ABCG2: variants seen among roughly 807,000 people sequenced by gnomAD.
The protein encoded by ABCG2 is broad substrate specificity ATP-binding cassette transporter ABCG2.
ABCG2 carries 80 observed loss-of-function variants against 73.5 expected under a neutral mutation model. That is an observed-to-expected ratio of 1.09 (90% CI 0.91 to 1.31). The LOEUF (loss-of-function observed/expected upper bound fraction) is 1.31. Among genes scored for constraint, ABCG2 ranks in the 50% most tolerant of loss-of-function variants. The pLI is 0.00. For missense variants in ABCG2, 796 were observed against 786.2 expected, an observed-to-expected ratio of 1.01 and a Z score of -0.15; for synonymous variants, 269 against 282.4, an observed-to-expected ratio of 0.95 and a Z score of 0.48.
intron 1 of ABCG2, among the ~76,000 whole-genome samples, chr4:88,201,131 G>A (rs989701248): frequency 5.5e-5 from 7 of 126,318 alleles, no homozygotes; most frequent in African/African-American, 1.8e-4. Flanking sequence ...AAAATCAATA[G>A]AGAAAATTAA....
intron 2 of ABCG2, among the ~76,000 whole-genome samples, chr4:88,139,408 C>A (rs1266900927): frequency 6.6e-6 from 1 of 152,072 alleles, no homozygotes; most frequent in South Asian, 2.1e-4. Flanking sequence ...TACACACCAC[C>A]ACGCCCAGCT....
chr4:88,101,428 A>G, intron 10 of ABCG2, 109 bp from the exon 11 acceptor site: 1 of 949,024 alleles, frequency 1.1e-6, no homozygotes. Context: ...GTTAAGCAGG[A>G]AAAAAAGGGA....
At chr4:88,150,373 A>G (rs1435076013) in intron 1 of ABCG2, among the ~76,000 whole-genome samples, 7 of 152,172 alleles carry the variant, frequency 4.6e-5, no homozygotes, top group African/African-American at 1.4e-4. Context: ...GAGGAGCAGT[A>G]TATGTCCAAG....
intron 1 of ABCG2, among the ~76,000 whole-genome samples, chr4:88,177,095 G>A (rs966573486): frequency 1.3e-5 from 2 of 152,142 alleles, no homozygotes; most frequent in Non-Finnish European, 2.9e-5. Context: ...ATGAATGGCC[G>A]GGCGCAGTGG....
intron 2 of ABCG2, 32 bp from the exon 3 acceptor site, chr4:88,132,667 T>C: frequency 6.2e-7 from 1 of 1,611,036 alleles, no homozygotes; most frequent in Non-Finnish European, 8.5e-7. Flanking sequence ...GATTTACTAT[T>C]CCATTTTAAG....
upstream of ABCG2, chr4:88,158,714 C>T: frequency 2.2e-6 from 1 of 445,100 alleles, no homozygotes; most frequent in Non-Finnish European, 4.5e-6. Flanking sequence ...CAACCCCTTC[C>T]CCCAACCACA....
chr4:88,227,233 C>T (rs1207823188), intron 1 of ABCG2, among the ~76,000 whole-genome samples: 1 of 152,054 alleles, frequency 6.6e-6, no homozygotes, highest in Non-Finnish European at 1.5e-5. Flanking sequence ...CCTGTCTCTA[C>T]TAAAAATACA....
At chr4:88,136,348 G>T (rs1285971938) in intron 2 of ABCG2, among the ~76,000 whole-genome samples, 1 of 152,144 alleles carries the variant, frequency 6.6e-6, no homozygotes, top group Non-Finnish European at 1.5e-5. Flanking sequence ...TAAACACCTA[G>T]ATTTTGGTTT....
intron 5 of ABCG2, among the ~76,000 whole-genome samples, chr4:88,125,623 A>C (rs978946408): frequency 1.3e-5 from 2 of 149,888 alleles, no homozygotes; most frequent in African/African-American, 4.9e-5. Flanking sequence ...AAAAAAAAAA[A>C]AAAAAAAAAA....
chr4:88,163,794 C>A, upstream of ABCG2: 1 of 352,550 alleles, frequency 2.8e-6, no homozygotes, highest in South Asian at 2.5e-5. Flanking sequence ...ACAAAGCTGT[C>A]TGGGCCAAAG....
intron 1 of ABCG2, among the ~76,000 whole-genome samples, chr4:88,194,517 T>C (rs1284074798): frequency 2.7e-5 from 3 of 110,634 alleles, no homozygotes; most frequent in Non-Finnish European, 5.0e-5. Flanking sequence ...GCCACTGCAC[T>C]CCAGCCTGGG....
At chr4:88,201,882 A>G (rs1729176391) in intron 1 of ABCG2, 1 of 152,182 alleles carries the variant, frequency 6.6e-6, no homozygotes, top group African/African-American at 2.4e-5. Context: ...CTGCAAGTTC[A>G]TCAAGATCCA....
Position 88,099,517 on chromosome 4 carries a change from T to A in ABCG2, c.1368-69A>T, listed in dbSNP as rs1722250881. Reference sequence around the variant, plus strand: ...GAAGCCACAGGGCAGGCTAGACTTGTCTGTTACAGACCTCTGCTGACAGCA... The same window carrying A: ...GAAGCCACAGGGCAGGCTAGACTTGACTGTTACAGACCTCTGCTGACAGCA... On this transcript the variant is annotated intron_variant, in intron 11 of 15. Transcript: ENST00000237612. 3 of 1,479,646 alleles carry A rather than the reference T, an allele frequency of 2.0e-6. No individual in the cohort carries two copies. The Admixed American group carries it at 6.3e-5, about 31-fold the overall frequency. 91.7% of individuals were successfully genotyped at this position (1,479,646 alleles called of 1,614,324 possible).
intron 1 of ABCG2, among the ~76,000 whole-genome samples, chr4:88,206,983 C>T (rs555342180): frequency 5.3e-5 from 8 of 152,258 alleles, no homozygotes; most frequent in South Asian, 2.1e-4. Flanking sequence ...TCAGTAGAGA[C>T]GGGGTTTCAC....
chr4:88,104,663 G>GA (rs146880547), intron 10 of ABCG2, among the ~76,000 whole-genome samples: 105,353 of 144,886 alleles, frequency 0.73, 43,630 homozygotes, highest in Non-Finnish European at 0.93. Flanking sequence ...GAGCTTTGGG[G>GA]GAAAAAAAAA....
chr4:88,097,653 C>A (rs977639838), intron 12 of ABCG2, 46 bp from the exon 13 acceptor site: 2 of 1,594,034 alleles, frequency 1.3e-6, no homozygotes, highest in Admixed American at 3.5e-5. Context: ...GCCTAGGTCA[C>A]CGTATGTTTG....
intron 1 of ABCG2, among the ~76,000 whole-genome samples, chr4:88,174,903 G>A (rs1727895078): frequency 6.6e-6 from 1 of 152,112 alleles, no homozygotes; most frequent in South Asian, 2.1e-4. Context: ...GTTAATTTTT[G>A]TATAAGGTGT....
intron 5 of ABCG2, among the ~76,000 whole-genome samples, chr4:88,125,989 T>C (rs1724382012): frequency 6.6e-6 from 1 of 152,102 alleles, no homozygotes; most frequent in African/African-American, 2.4e-5. Context: ...AATCAACGAA[T>C]CCAGGGCTGG....
At position 88,095,520 on chromosome 4, in the gene ABCG2, C is replaced by T. The variant is rs369116571; in HGVS notation, c.1737G>A (p.Thr579=). 1.2e-5 allele frequency: 19 copies of T among 1,611,516 alleles called. No individual in the cohort carries two copies. The highest frequency in any genetic ancestry group is 5.5e-5 in the South Asian group (5 of 90,990). Residue 579 remains threonine, a splice_region_variant and synonymous_variant, in exon 14 of 16, where the codon ACG becomes ACA. Transcript: ENST00000237612. ...ACAGTGACAGACAAGGAAGACATAC[C>T]GTAAATCCATATCGTGGAATGCTGA... The part of the protein sequence containing the change: ...QYFSIPRYGF[T]ALQHNEFLGQ...
Sources: gnomAD v4.1 joint callset for allele counts (sites outside exome capture counted in the v4.1 genomes callset) on GRCh38, gnomAD v4.1.1 for gene constraint, MANE v1.5 for transcripts, NCBI Gene and HGNC (gene_info 2026-07-23, HGNC 2026-07-21) for gene names.